Variants in CADPS observed in about 807,000 individuals in gnomAD.
CADPS encodes calcium dependent secretion activator.
Under a neutral mutation model 167.3 loss-of-function variants are expected in CADPS, and 57 were observed. The observed-to-expected ratio is 0.34, with a 90% CI of 0.28 to 0.42. CADPS has a LOEUF of 0.42. CADPS is among the 20% of genes least tolerant of loss of function. The pLI is 1.00. For synonymous variants in CADPS, 676 were observed against 635.3 expected (o/e 1.06, Z -0.96); for missense variants, 1,414 against 1,738.1 (o/e 0.81, Z 3.32).
At chr3:62,454,487 C>T (rs529546173) in intron 26 of CADPS, among the ~76,000 whole-genome samples, 1 of 152,236 alleles carries the variant, frequency 6.6e-6, no homozygotes, top group South Asian at 2.1e-4. Context: ...AATGGGTGGG[C>T]CTGACTTCAA....
intron 7 of CADPS, among the ~76,000 whole-genome samples, chr3:62,587,567 T>A (rs2084923473): frequency 1.3e-5 from 2 of 152,090 alleles, no homozygotes; most frequent in Non-Finnish European, 2.9e-5. Context: ...AGAACCGCGG[T>A]AAGTAAGAAA....
chr3:62,543,890 G>A (rs555392304), intron 11 of CADPS, among the ~76,000 whole-genome samples: 1 of 151,992 alleles, frequency 6.6e-6, no homozygotes, highest in East Asian at 1.9e-4. Flanking sequence ...TTAATAACTC[G>A]AATAGTTAAG....
Position 62,678,155 on chromosome 3 carries a change from C to T in CADPS, c.889-15761G>A, listed in dbSNP as rs2076610834. 2.0e-5 allele frequency among the ~76,000 whole-genome samples: 3 copies of T among 152,102 alleles called. No individual in the cohort carries two copies. The East Asian group carries it at 5.9e-4, about 30-fold the overall frequency. On this transcript the variant is annotated intron_variant, in intron 3 of 29. Coordinates refer to ENST00000383710, the MANE Select transcript of CADPS (RefSeq NM_003716.4). ...AACCACACCTTCAACCTGTTGCTTG[C>T]AGGGAAAGGGTCATGCAAACACACA...
chr3:62,548,492 T>C (rs985150403), intron 11 of CADPS, among the ~76,000 whole-genome samples: 1 of 152,234 alleles, frequency 6.6e-6, no homozygotes, highest in Non-Finnish European at 1.5e-5. Flanking sequence ...TGGGAGCATC[T>C]GATAGACAGA....
chr3:62,578,158 T>C (rs1186045818), intron 8 of CADPS, among the ~76,000 whole-genome samples: 1 of 66,040 alleles, frequency 1.5e-5, no homozygotes, highest in East Asian at 6.0e-4. Context: ...AATAAAAAGA[T>C]AGAAAAAAAA....
At chr3:62,792,560 A>G (rs1425516566) in intron 1 of CADPS, among the ~76,000 whole-genome samples, 1 of 151,986 alleles carries the variant, frequency 6.6e-6, no homozygotes. Context: ...TATTTTCTGA[A>G]TGAAAGCTCG....
At chr3:62,560,432 G>T (rs541764651) in intron 9 of CADPS, among the ~76,000 whole-genome samples, 10 of 152,298 alleles carry the variant, frequency 6.6e-5, no homozygotes, top group Admixed American at 5.9e-4. Context: ...TGTAATAAAG[G>T]CATGGCAGAG....
chr3:62,723,557 A>G (rs974852398), intron 3 of CADPS, among the ~76,000 whole-genome samples: 1 of 152,162 alleles, frequency 6.6e-6, no homozygotes, highest in Non-Finnish European at 1.5e-5. Flanking sequence ...TAATGTACTC[A>G]GATGTTTATC....
At position 62,478,363 on chromosome 3, in the gene CADPS, G is replaced by T. The variant is rs1208565255; in HGVS notation, c.3227C>A (p.Thr1076Asn). Residue 1076 changes from threonine to asparagine, a missense_variant, in exon 23 of 30, where the codon ACC becomes AAC. This residue lies in a region of CADPS where 529 missense variants were observed against 629.6 expected (regional missense o/e 0.84). Coordinates refer to ENST00000383710, the MANE Select transcript of CADPS (RefSeq NM_003716.4). The surrounding 1 kb of genome is among the most constrained non-coding windows in gnomAD (Gnocchi z 5.7). ...AGGCCAGTGCAGGTCCCGAATGAAGGTCTGAAGGGCGTCAAGTTTCCAAAA... is the reference window on the plus strand; with the variant it reads ...AGGCCAGTGCAGGTCCCGAATGAAGTTCTGAAGGGCGTCAAGTTTCCAAAA... The part of the protein sequence containing the change: ...DLFWKLDALQ[T>N]FIRDLHWPEE... The T allele has an allele frequency of 6.2e-7, 1 of 1,613,840 alleles. No homozygotes were observed.
intron 1 of CADPS, among the ~76,000 whole-genome samples, chr3:62,872,125 T>C (rs1560032139): frequency 6.6e-6 from 1 of 151,376 alleles, no homozygotes; most frequent in African/African-American, 2.4e-5. Context: ...ACATTTTTCC[T>C]CTTTTTCTAG....
chr3:62,497,975 G>T (rs536422584), intron 18 of CADPS, among the ~76,000 whole-genome samples: 1 of 152,164 alleles, frequency 6.6e-6, no homozygotes, highest in Non-Finnish European at 1.5e-5. Context: ...TGACCCTGCC[G>T]TGGAGGGTCA....
Position 62,592,756 on chromosome 3 carries a change from C to A in CADPS, c.1326-8G>T, listed in dbSNP as rs1241792325. ...TCACCCTGGGTGCCCCAGCTGCAGA[C>A]AGAATCAAAGAGGTCATTGTAGACA... On this transcript the variant is annotated splice_region_variant and splice_polypyrimidine_tract_variant and intron_variant, in intron 6 of 29. Coordinates refer to ENST00000383710, the MANE Select transcript of CADPS (RefSeq NM_003716.4). The A allele has an allele frequency of 3.7e-6, 6 of 1,604,546 alleles. No homozygotes were observed. The highest frequency in any genetic ancestry group is 4.5e-5 in the East Asian group (2 of 44,828).
chr3:62,793,308 T>C (rs528936500), intron 1 of CADPS, among the ~76,000 whole-genome samples: 6 of 152,342 alleles, frequency 3.9e-5, no homozygotes, highest in Admixed American at 1.3e-4. Flanking sequence ...TCTTTGTAAC[T>C]GGGTCTTCTT....
intron 1 of CADPS, among the ~76,000 whole-genome samples, chr3:62,865,421 A>G (rs1209206295): frequency 6.6e-6 from 1 of 150,926 alleles, no homozygotes; most frequent in African/African-American, 2.4e-5. Context: ...TTAACTTCTA[A>G]TTATCCCAGA....
At chr3:62,575,510 C>T (rs959060590) in intron 8 of CADPS, among the ~76,000 whole-genome samples, 2 of 152,188 alleles carry the variant, frequency 1.3e-5, no homozygotes, top group East Asian at 1.9e-4. Flanking sequence ...ATATAAAGTG[C>T]TTAGAACAAT....
At chr3:62,528,211 A>G (rs1225096454) in intron 13 of CADPS, among the ~76,000 whole-genome samples, 4 of 152,218 alleles carry the variant, frequency 2.6e-5, no homozygotes, top group Admixed American at 2.6e-4. Flanking sequence ...GTAGGAAGGT[A>G]GAGTGGTTAC....
Position 62,421,973 on chromosome 3 carries a change from G to A in CADPS, c.3777+16131C>T, listed in dbSNP as rs116634012. ...GTTATTTACATATTTCTTTTGATAA[G>A]CCTCCTTGCCTGGCTAAGCTTACAA... On this transcript the variant is annotated intron_variant, in intron 28 of 29. Coordinates refer to ENST00000383710, the MANE Select transcript of CADPS (RefSeq NM_003716.4). The surrounding 1 kb of genome is among the most constrained non-coding windows in gnomAD (Gnocchi z 4.7). Among the ~76,000 whole-genome samples, 310 of 152,266 alleles carry A rather than the reference G, an allele frequency of 2.0e-3. 1 individual carries two copies. Among genetic ancestry groups the A allele is most frequent in the African/African-American group, 7.0e-3 (289 of 41,552 alleles).
intron 27 of CADPS, among the ~76,000 whole-genome samples, chr3:62,442,700 T>C (rs2056551563): frequency 6.6e-6 from 1 of 152,150 alleles, no homozygotes; most frequent in Non-Finnish European, 1.5e-5. Context: ...TGCTAGCTAC[T>C]CTACCACACC....
chr3:62,737,212 G>A (rs1400701667), intron 3 of CADPS, among the ~76,000 whole-genome samples: 2 of 152,044 alleles, frequency 1.3e-5, no homozygotes, highest in African/African-American at 4.8e-5. Context: ...CATACAGGAA[G>A]CCAAGGTGGG....
Sources: gnomAD v4.1 joint callset for allele counts (sites outside exome capture counted in the v4.1 genomes callset) on GRCh38, gnomAD v4.1.1 for gene constraint, gnomAD v4.1.1 regional missense constraint, Gnocchi (gnomAD v3.1) non-coding constraint, MANE v1.5 for transcripts, NCBI Gene and HGNC (gene_info 2026-07-23, HGNC 2026-07-21) for gene names.